Variants in CELF2 observed in about 807,000 individuals in gnomAD.
The protein encoded by CELF2 is CUG triplet repeat RNA-binding protein 2.
A neutral mutation model predicts 62.6 loss-of-function variants in CELF2; 8 were observed. The observed-to-expected ratio is 0.13, with a 90% CI of 0.07 to 0.23. The LOEUF is 0.23. Ranked by LOEUF, CELF2 falls within the 10% of genes least tolerant of loss-of-function variation. The pLI is 1.00. For missense variants in CELF2, 333 were observed against 671.0 expected (o/e 0.50, Z 5.56); for synonymous variants, 258 against 250.0 (o/e 1.03, Z -0.30).
chr10:10,971,438 G>A (rs1039193740), intron 2 of CELF2, among the ~76,000 whole-genome samples: 1 of 152,032 alleles, frequency 6.6e-6, no homozygotes, highest in East Asian at 1.9e-4. Flanking sequence ...CTATAAATTT[G>A]CAAAATGCTC....
chr10:10,730,024 A>T, the CELF2 span, among the ~76,000 whole-genome samples: 1 of 152,234 alleles, frequency 6.6e-6, no homozygotes, highest in Non-Finnish European at 1.5e-5. Context: ...CATCTTCAGC[A>T]TCTGTGGATT....
chr10:11,219,237 A>G (rs1448256931), intron 3 of CELF2, among the ~76,000 whole-genome samples: 1 of 152,224 alleles, frequency 6.6e-6, no homozygotes, highest in Non-Finnish European at 1.5e-5. Flanking sequence ...CTCTCAAGAA[A>G]CCCAGAGTGA....
At chr10:10,912,559 G>C (rs1394557353) in intron 1 of CELF2, among the ~76,000 whole-genome samples, 1 of 152,124 alleles carries the variant, frequency 6.6e-6, no homozygotes, top group East Asian at 1.9e-4. Context: ...TAGTAGAGAG[G>C]GGGTTTCACC....
chr10:10,920,321 C>T (rs1008437666), intron 2 of CELF2, among the ~76,000 whole-genome samples: 6 of 152,082 alleles, frequency 3.9e-5, no homozygotes, highest in Non-Finnish European at 7.3e-5. Context: ...ATTATGTTCA[C>T]GGGAATTGGC....
the CELF2 span, among the ~76,000 whole-genome samples, chr10:10,732,442 C>A: frequency 1.3e-5 from 2 of 151,868 alleles, no homozygotes; most frequent in African/African-American, 4.8e-5. Flanking sequence ...TCCCTCTGAG[C>A]AACCCACTCT....
chr10:11,265,129 G>T (rs150132707), intron 5 of CELF2, among the ~76,000 whole-genome samples: 4 of 152,172 alleles, frequency 2.6e-5, no homozygotes, highest in Non-Finnish European at 5.9e-5. Flanking sequence ...CCAGGTATTC[G>T]TGCAGAGCAA....
At chr10:10,881,862 C>G (rs2061458508) in intron 1 of CELF2, among the ~76,000 whole-genome samples, 3 of 152,306 alleles carry the variant, frequency 2.0e-5, no homozygotes, top group African/African-American at 7.2e-5. Flanking sequence ...GTAGGCATGA[C>G]TGGATATTAC....
At chr10:10,758,284 G>T in the CELF2 span, among the ~76,000 whole-genome samples, 1 of 152,198 alleles carries the variant, frequency 6.6e-6, no homozygotes. Context: ...TCTCTGTGCT[G>T]CTTGGTGTAA....
At chr10:10,786,182 G>A in the CELF2 span, among the ~76,000 whole-genome samples, 27 of 152,160 alleles carry the variant, frequency 1.8e-4, no homozygotes, top group Admixed American at 1.6e-3. Flanking sequence ...TCACAATTGC[G>A]CCACTGTCTA....
intron 3 of CELF2, among the ~76,000 whole-genome samples, chr10:11,222,327 T>C (rs556620516): frequency 5.3e-5 from 8 of 152,340 alleles, no homozygotes; most frequent in East Asian, 3.9e-4. Context: ...TCATCATCAT[T>C]ATTATTTTTG....
At chr10:10,755,665 C>A in the CELF2 span, among the ~76,000 whole-genome samples, 2 of 152,182 alleles carry the variant, frequency 1.3e-5, no homozygotes, top group African/African-American at 4.8e-5. Flanking sequence ...CCTAAAAAGA[C>A]CCTCATGTGA....
At chr10:10,466,000 G>A in the CELF2 span, among the ~76,000 whole-genome samples, 1 of 152,104 alleles carries the variant, frequency 6.6e-6, no homozygotes, top group Admixed American at 6.6e-5. Flanking sequence ...TGCTGTTCTA[G>A]CATCTGTTCA....
rs1045367656 is a variant in CELF2 at position 11,290,365 on chromosome 10, C to G, written c.976+1813C>G. On this transcript the variant is annotated intron_variant, in intron 9 of 12. Coordinates refer to ENST00000633077, the MANE Select transcript of CELF2 (RefSeq NM_001326342.2). This position sits in a 1 kb window ranked among gnomAD's most constrained non-coding sequence, Gnocchi z 4.3. ...GCGCGTGTTGAGGCAGAGGACAGAGCCAGTGGGTGGGGGAGAGCGGAGTGG... is the reference window on the plus strand; with the variant it reads ...GCGCGTGTTGAGGCAGAGGACAGAGGCAGTGGGTGGGGGAGAGCGGAGTGG... Among the ~76,000 whole-genome samples the G allele has an allele frequency of 6.6e-6, 1 of 152,074 alleles. No homozygotes were observed.
intron 1 of CELF2, among the ~76,000 whole-genome samples, chr10:11,025,434 TC>T (rs1332226840): frequency 4.6e-5 from 7 of 152,064 alleles, no homozygotes; most frequent in African/African-American, 1.2e-4. Flanking sequence ...TCTCACGAGA[TC>T]CGATGGTTTT....
the CELF2 span, chr10:10,776,124 A>G: frequency 0.32 from 48,801 of 152,764 alleles, 8,402 homozygotes; most frequent in East Asian, 0.5. Flanking sequence ...CCCATTTCAC[A>G]GTATTACAGA....
At chr10:10,721,903 A>G in the CELF2 span, among the ~76,000 whole-genome samples, 1 of 152,350 alleles carries the variant, frequency 6.6e-6, no homozygotes, top group African/African-American at 2.4e-5. Flanking sequence ...ATTAATGAGC[A>G]TCTTCATCTG....
chr10:10,842,631 G>T (rs1322639513), intron 1 of CELF2, among the ~76,000 whole-genome samples: 2 of 151,832 alleles, frequency 1.3e-5, no homozygotes, highest in African/African-American at 4.8e-5. Context: ...TTGCATACTT[G>T]GAATAAATCC....
chr10:10,621,695 A>C, the CELF2 span, among the ~76,000 whole-genome samples: 2 of 152,212 alleles, frequency 1.3e-5, no homozygotes, highest in East Asian at 3.8e-4. Flanking sequence ...GAGCAGAGAC[A>C]AGAAGCAACT....
chr10:11,197,078 A>AG (rs1412654635), intron 2 of CELF2, among the ~76,000 whole-genome samples: 8 of 140,558 alleles, frequency 5.7e-5, no homozygotes, highest in African/African-American at 1.4e-4. Flanking sequence ...AAGGAAAGAA[A>AG]GAAAGAAGAA....
Sources: gnomAD v4.1 joint callset for allele counts (sites outside exome capture counted in the v4.1 genomes callset) on GRCh38, gnomAD v4.1.1 for gene constraint, Gnocchi (gnomAD v3.1) non-coding constraint, MANE v1.5 for transcripts, NCBI Gene and HGNC (gene_info 2026-07-23, HGNC 2026-07-21) for gene names.